Variants in CDH12 observed in about 807,000 individuals in gnomAD.
The protein encoded by CDH12 is cadherin-12.
CDH12 carries 41 observed loss-of-function variants against 74.1 expected under a neutral mutation model. The ratio of observed to expected loss-of-function variants is 0.55; its 90% CI spans 0.43 to 0.72. CDH12 has a LOEUF of 0.72. Ranked by LOEUF, CDH12 falls within the 30% of genes least tolerant of loss-of-function variation. The probability of loss-of-function intolerance (pLI) is 0.00; values close to 1 mark genes in which losing one functional copy is unlikely to be tolerated. For missense variants in CDH12, 945 were observed against 977.2 expected (o/e 0.97, Z 0.44); for synonymous variants, 399 against 355.0 (o/e 1.12, Z -1.39).
chr5:21,969,797 C>T (rs1305016478), intron 6 of CDH12, among the ~76,000 whole-genome samples: 1 of 151,972 alleles, frequency 6.6e-6, no homozygotes, highest in African/African-American at 2.4e-5. Flanking sequence ...TAAAAGTAAC[C>T]ATCATCAGTA....
At chr5:22,596,578 T>C (rs1326077115) in intron 1 of CDH12, among the ~76,000 whole-genome samples, 4 of 152,202 alleles carry the variant, frequency 2.6e-5, no homozygotes, top group Admixed American at 2.6e-4. Flanking sequence ...TGACTCAGGA[T>C]TGACTAATAA....
intron 3 of CDH12, among the ~76,000 whole-genome samples, chr5:22,264,471 T>TTA (rs1368157680): frequency 6.6e-6 from 1 of 152,206 alleles, no homozygotes; most frequent in Non-Finnish European, 1.5e-5. Flanking sequence ...AATTATATCT[T>TTA]AAACAGAGAT....
At chr5:22,594,294 A>G (rs1301647299) in intron 1 of CDH12, among the ~76,000 whole-genome samples, 1 of 152,172 alleles carries the variant, frequency 6.6e-6, no homozygotes, top group Non-Finnish European at 1.5e-5. Context: ...CATGCCTGTG[A>G]TGGGTATGGC....
At chr5:22,845,876 G>C (rs567782036) in intron 1 of CDH12, among the ~76,000 whole-genome samples, 1 of 152,254 alleles carries the variant, frequency 6.6e-6, no homozygotes, top group South Asian at 2.1e-4. Context: ...TCGGGGAGAA[G>C]GGAGAGTATA....
intron 4 of CDH12, among the ~76,000 whole-genome samples, chr5:22,117,437 TATATATATATA>T (rs1561128410): frequency 2.0e-5 from 2 of 102,516 alleles, no homozygotes; most frequent in South Asian, 2.6e-4. Flanking sequence ...ATATATAAAT[TATATATATATA>T]ATATATATAT....
chr5:22,014,542 T>G (rs2150155593), intron 5 of CDH12, among the ~76,000 whole-genome samples: 1 of 152,216 alleles, frequency 6.6e-6, no homozygotes, highest in South Asian at 2.1e-4. Context: ...AACCTTTTCT[T>G]GATGGTGTAG....
intron 5 of CDH12, among the ~76,000 whole-genome samples, chr5:22,021,824 G>A (rs1738002707): frequency 6.6e-6 from 1 of 152,126 alleles, no homozygotes; most frequent in South Asian, 2.1e-4. Context: ...GAATGGACAT[G>A]TGGCTGTCCA....
intron 5 of CDH12, among the ~76,000 whole-genome samples, chr5:22,012,991 G>T (rs1174183936): frequency 6.8e-6 from 1 of 146,644 alleles, no homozygotes; most frequent in Non-Finnish European, 1.5e-5. Context: ...AAATAAACAT[G>T]GAAATTGTAT....
intron 4 of CDH12, among the ~76,000 whole-genome samples, chr5:22,208,506 T>A (rs572226479): frequency 6.6e-6 from 1 of 152,378 alleles, no homozygotes; most frequent in African/African-American, 2.4e-5. Flanking sequence ...TATTCATGAT[T>A]TCCACAGACT....
At chr5:21,761,519 G>A (rs1447119324) in intron 12 of CDH12, among the ~76,000 whole-genome samples, 1 of 152,070 alleles carries the variant, frequency 6.6e-6, no homozygotes, top group Admixed American at 6.6e-5. Flanking sequence ...CATGCTCTCA[G>A]ACTACATTTG....
At chr5:22,494,421 A>G (rs74920734) in intron 2 of CDH12, among the ~76,000 whole-genome samples, 1 of 152,142 alleles carries the variant, frequency 6.6e-6, no homozygotes, top group South Asian at 2.1e-4. Context: ...GGCTCCGGCT[A>G]TCCACAACCC....
rs533819026 is a variant in CDH12 at position 21,751,344 on chromosome 5, T to C, written c.*393A>G. The C allele has an allele frequency of 4.5e-5, 9 of 199,860 alleles. No individual in the cohort carries two copies. The East Asian group carries it at 9.4e-4, about 21-fold the overall frequency. The allele number at this position is 199,860 out of a possible 1,614,324, so 12.4% of individuals were successfully genotyped here. ...CCACTTTAAATGATAAGAGTTTCAA[T>C]AGGCACTTTAGTGGAATTAAGAAAA... On this transcript the variant is annotated 3_prime_UTR_variant, in exon 15 of 15. Coordinates refer to ENST00000382254, the MANE Select transcript of CDH12 (RefSeq NM_004061.5).
chr5:21,846,444 T>G (rs1169690059), intron 7 of CDH12, among the ~76,000 whole-genome samples: 1 of 152,100 alleles, frequency 6.6e-6, no homozygotes, highest in Non-Finnish European at 1.5e-5. Context: ...TCCCAGACAA[T>G]GACGCCACTT....
intron 1 of CDH12, among the ~76,000 whole-genome samples, chr5:22,848,896 C>T (rs114264955): frequency 3.3e-5 from 5 of 151,790 alleles, no homozygotes; most frequent in African/African-American, 1.2e-4. Context: ...TTATGCTGTA[C>T]GTAAGTGTGG....
intron 2 of CDH12, among the ~76,000 whole-genome samples, chr5:22,461,894 A>G (rs574051215): frequency 2.0e-5 from 3 of 152,040 alleles, no homozygotes; most frequent in Non-Finnish European, 4.4e-5. Context: ...AGGAAAAGGT[A>G]TTCAATCAAT....
At chr5:22,362,233 A>G (rs1160147733) in intron 3 of CDH12, among the ~76,000 whole-genome samples, 1 of 152,190 alleles carries the variant, frequency 6.6e-6, no homozygotes, top group Non-Finnish European at 1.5e-5. Context: ...CAAATTTACA[A>G]GAAAAAAACA....
At chr5:22,473,561 A>G (rs1746052742) in intron 2 of CDH12, among the ~76,000 whole-genome samples, 1 of 152,154 alleles carries the variant, frequency 6.6e-6, no homozygotes, top group African/African-American at 2.4e-5. Flanking sequence ...TATAGAAGTA[A>G]TGTTATTAAA....
chr5:22,600,942 G>A (rs1341993253), intron 1 of CDH12, among the ~76,000 whole-genome samples: 3 of 152,000 alleles, frequency 2.0e-5, no homozygotes, highest in Non-Finnish European at 4.4e-5. Context: ...ATGTAGAACT[G>A]TTAATAACAC....
chr5:22,418,921 C>A (rs1261385), intron 2 of CDH12, among the ~76,000 whole-genome samples: 138,047 of 152,192 alleles, frequency 0.91, 62,698 homozygotes, highest in East Asian at 0.94. Context: ...AATAGCTTTT[C>A]TTATTTTGAG....
Sources: gnomAD v4.1 joint callset for allele counts (sites outside exome capture counted in the v4.1 genomes callset) on GRCh38, gnomAD v4.1.1 for gene constraint, MANE v1.5 for transcripts, NCBI Gene and HGNC (gene_info 2026-07-23, HGNC 2026-07-21) for gene names.